Variants in ADCY9 observed in about 807,000 individuals in gnomAD.
ADCY9 encodes adenylate cyclase 9.
Under a neutral mutation model 101.5 loss-of-function variants are expected in ADCY9, and 50 were observed. The ratio of observed to expected loss-of-function variants is 0.49; its 90% CI spans 0.39 to 0.62. The LOEUF (loss-of-function observed/expected upper bound fraction) is 0.62, where lower values mean the gene tolerates loss of function less well. ADCY9 is among the 20% of genes least tolerant of loss of function. The probability of loss-of-function intolerance (pLI) is 0.00; values close to 1 mark genes in which losing one functional copy is unlikely to be tolerated. For missense variants in ADCY9, 1,662 were observed against 1,800.4 expected (o/e 0.92, Z 1.39); for synonymous variants, 905 against 769.3 (o/e 1.18, Z -2.92).
chr16:4,066,775 T>C (rs1326142416), intron 2 of ADCY9, among the ~76,000 whole-genome samples: 1 of 152,202 alleles, frequency 6.6e-6, no homozygotes, highest in Non-Finnish European at 1.5e-5. Context: ...TTCTTTAGAA[T>C]AATAAACAAT....
Position 3,992,485 on chromosome 16 carries a change from T to C in ADCY9, c.1990-122A>G. The C allele has an allele frequency of 1.1e-6, 1 of 890,532 alleles. No individual in the cohort carries two copies. The highest frequency in any genetic ancestry group is 1.7e-6 in the Non-Finnish European group (1 of 590,686). 55.2% of individuals were successfully genotyped at this position (890,532 alleles called of 1,614,324 possible). On this transcript the variant is annotated intron_variant, in intron 4 of 10. Transcript: ENST00000294016. This position sits in a 1 kb window ranked among gnomAD's most constrained non-coding sequence, Gnocchi z 4.2. ...CTGCTGCACTGGGCGTGGGACTTTC[T>C]GACCTGCGAGGAACCCCCACCCCCC...
chr16:4,023,468 G>T (rs35714728), intron 2 of ADCY9, among the ~76,000 whole-genome samples: 1 of 151,208 alleles, frequency 6.6e-6, no homozygotes, highest in Non-Finnish European at 1.5e-5. Flanking sequence ...TCTGGGGAAG[G>T]CACGAGGGAT....
intron 2 of ADCY9, among the ~76,000 whole-genome samples, chr16:4,110,333 A>C (rs1487556849): frequency 1.3e-5 from 2 of 151,322 alleles, no homozygotes; most frequent in Non-Finnish European, 2.9e-5. Context: ...CCAAAGGCGG[A>C]AAGTAGCAGC....
intron 5 of ADCY9, among the ~76,000 whole-genome samples, chr16:3,954,379 C>T (rs1281196233): frequency 6.6e-6 from 1 of 152,156 alleles, no homozygotes; most frequent in Non-Finnish European, 1.5e-5. Flanking sequence ...CCACACTGGT[C>T]TGAGAGCCTG....
chr16:4,092,559 T>C (rs373290596), intron 2 of ADCY9, among the ~76,000 whole-genome samples: 3 of 152,354 alleles, frequency 2.0e-5, no homozygotes, highest in African/African-American at 7.2e-5. Flanking sequence ...CTATTTCTAG[T>C]ACATAAGCAA....
chr16:4,104,983 C>T (rs186532145), intron 2 of ADCY9, among the ~76,000 whole-genome samples: 29 of 151,706 alleles, frequency 1.9e-4, no homozygotes, highest in African/African-American at 5.8e-4. Flanking sequence ...GCAGGAGAAT[C>T]GCTTGAACCC....
chr16:4,112,525 A>G (rs147224614), intron 2 of ADCY9, among the ~76,000 whole-genome samples: 1,768 of 152,192 alleles, frequency 0.012, 40 homozygotes, highest in African/African-American at 0.039. Flanking sequence ...TGCAGGCCCT[A>G]CCTCAACCAC....
intron 7 of ADCY9, chr16:3,982,515 G>A (rs1431306024): frequency 6.6e-6 from 1 of 152,238 alleles, no homozygotes; most frequent in Non-Finnish European, 1.5e-5. Flanking sequence ...GAGCCGCTGC[G>A]AGCCCCCTCA....
chr16:4,097,487 T>TATATATACGCACACAC (rs76750792), intron 2 of ADCY9, among the ~76,000 whole-genome samples: 3 of 72,508 alleles, frequency 4.1e-5, no homozygotes, highest in African/African-American at 1.6e-4. Context: ...TATATATATA[T>TATATATACGCACACAC]ACACACACAC....
intron 2 of ADCY9, among the ~76,000 whole-genome samples, chr16:4,013,369 T>A (rs1309732473): frequency 6.6e-6 from 1 of 151,880 alleles, no homozygotes; most frequent in Non-Finnish European, 1.5e-5. Context: ...TGCAGTGAGC[T>A]GAGATCGTGC....
intron 2 of ADCY9, among the ~76,000 whole-genome samples, chr16:4,034,209 T>G (rs61582051): frequency 0.016 from 2,507 of 152,198 alleles, 70 homozygotes; most frequent in African/African-American, 0.057. Flanking sequence ...CATACAGAGC[T>G]CCAACTTAGC....
At chr16:3,981,253 A>G (rs1378961156) in intron 7 of ADCY9, among the ~76,000 whole-genome samples, 1 of 152,186 alleles carries the variant, frequency 6.6e-6, no homozygotes, top group Non-Finnish European at 1.5e-5. Context: ...AGCCCTCGGC[A>G]GTCTACACCG....
At chr16:3,988,066 G>A (rs1829532016) in intron 6 of ADCY9, among the ~76,000 whole-genome samples, 1 of 152,010 alleles carries the variant, frequency 6.6e-6, no homozygotes, top group African/African-American at 2.4e-5. Context: ...GAGAGACGGG[G>A]GTCCTACCTC....
intron 6 of ADCY9, among the ~76,000 whole-genome samples, chr16:3,985,599 T>C (rs1313752189): frequency 1.3e-5 from 2 of 152,128 alleles, no homozygotes; most frequent in African/African-American, 4.8e-5. Flanking sequence ...CTTGCCCACA[T>C]GTGAGGCCGG....
Position 3,992,148 on chromosome 16 carries a change from G to A in ADCY9, c.2205C>T (p.Asp735=). The change falls in exon 5 of 11, where the codon GAC becomes GAT. Residue 735 remains aspartate (D), a splice_region_variant and synonymous_variant. Transcript: ENST00000294016. The surrounding 1 kb of genome is among the most constrained non-coding windows in gnomAD (Gnocchi z 4.2). The stretch of plus-strand genomic sequence containing the variant: ...TTCCCAGACAGCCCCAGTCGTACCT[G>A]TCTTCTTTGATAACGTCCACAAAGT... ...DAHFVDVIKE[D]SLMKDYFFKP... 6.2e-7 allele frequency: 1 copy of A among 1,614,174 alleles called. No homozygotes were observed. Among genetic ancestry groups the A allele is most frequent in the Non-Finnish European group, 8.5e-7 (1 of 1,180,010 alleles).
At chr16:3,979,943 T>C (rs1052926387) in intron 7 of ADCY9, among the ~76,000 whole-genome samples, 1 of 145,282 alleles carries the variant, frequency 6.9e-6, no homozygotes. Context: ...GCGCAGCTCC[T>C]GTGGAAACTG....
At chr16:4,062,762 T>C (rs968283346) in intron 2 of ADCY9, among the ~76,000 whole-genome samples, 1 of 152,072 alleles carries the variant, frequency 6.6e-6, no homozygotes, top group Non-Finnish European at 1.5e-5. Flanking sequence ...AAAAGAAATT[T>C]TGTAACAATA....
Position 3,963,607 on chromosome 16 carries a change from T to G in ADCY9, c.*2168A>C, listed in dbSNP as rs117585933. 293 of 357,674 alleles carry G rather than the reference T, an allele frequency of 8.2e-4. 4 individuals carry two copies. In the East Asian group the frequency reaches 0.011, roughly 14 times the overall value. The allele number at this position is 357,674 out of a possible 1,614,324, so 22.2% of individuals were successfully genotyped here. ...TGAGGAATCACAAACACCTTTGTGGTTGGGGAAGGAAATGGGCTTGATGGG... is the reference window on the plus strand; with the variant it reads ...TGAGGAATCACAAACACCTTTGTGGGTGGGGAAGGAAATGGGCTTGATGGG... On this transcript the variant is annotated 3_prime_UTR_variant, in exon 11 of 11. Coordinates refer to ENST00000294016, the MANE Select transcript of ADCY9 (RefSeq NM_001116.4).
intron 2 of ADCY9, among the ~76,000 whole-genome samples, chr16:4,102,651 C>T (rs2057050816): frequency 6.6e-6 from 1 of 151,260 alleles, no homozygotes; most frequent in Non-Finnish European, 1.5e-5. Context: ...TCTCGAACTC[C>T]CGACCTCAGG....
Sources: allele counts gnomAD v4.1 joint callset (sites outside exome capture counted in the v4.1 genomes callset), GRCh38; gene constraint gnomAD v4.1.1; non-coding constraint Gnocchi (gnomAD v3.1); transcripts MANE v1.5; gene names NCBI Gene and HGNC (gene_info 2026-07-23, HGNC 2026-07-21).